The following TENM2 variants were observed in gnomAD, a reference collection of about 807,000 sequenced individuals.
TENM2 encodes teneurin-2.
Under a neutral mutation model 245.2 loss-of-function variants are expected in TENM2, and 52 were observed. The observed-to-expected ratio is 0.21, with a 90% confidence interval of 0.17 to 0.27. TENM2 has a LOEUF of 0.27. Ranked by LOEUF, TENM2 falls within the 10% of genes least tolerant of loss-of-function variation. TENM2 has a pLI of 1.00. For missense variants in TENM2, 3,046 were observed against 3,666.8 expected (o/e 0.83, Z 4.37); for synonymous variants, 1,363 against 1,438.9 (o/e 0.95, Z 1.19).
intron 1 of TENM2, among the ~76,000 whole-genome samples, chr5:167,359,551 A>T (rs1759572158): frequency 6.6e-6 from 1 of 151,776 alleles, no homozygotes; most frequent in African/African-American, 2.4e-5. Context: ...ACCTTTTAAG[A>T]TATTACATAC....
At chr5:167,225,923 T>G in the TENM2 span, among the ~76,000 whole-genome samples, 1 of 151,998 alleles carries the variant, frequency 6.6e-6, no homozygotes, top group African/African-American at 2.4e-5. Flanking sequence ...ATTTATTTGT[T>G]TCCTCTAGGT....
At chr5:167,756,235 T>A (rs1343702945) in intron 2 of TENM2, among the ~76,000 whole-genome samples, 5 of 152,166 alleles carry the variant, frequency 3.3e-5, no homozygotes, top group Non-Finnish European at 7.3e-5. Flanking sequence ...TATATATATA[T>A]GTAATCCCAC....
chr5:167,931,144 C>T (rs1011444129), intron 3 of TENM2, among the ~76,000 whole-genome samples: 1 of 152,202 alleles, frequency 6.6e-6, no homozygotes, highest in Non-Finnish European at 1.5e-5. Flanking sequence ...AGATTGTCAA[C>T]AGCAAGAGGA....
chr5:167,300,922 C>G (rs1370308656), intron 1 of TENM2, among the ~76,000 whole-genome samples: 1 of 152,062 alleles, frequency 6.6e-6, no homozygotes, highest in Non-Finnish European at 1.5e-5. Flanking sequence ...AGAGTATTAT[C>G]TAAGTTGGCC....
At chr5:167,636,648 T>C (rs1321093672) in intron 2 of TENM2, among the ~76,000 whole-genome samples, 3 of 152,224 alleles carry the variant, frequency 2.0e-5, no homozygotes, top group African/African-American at 7.2e-5. Flanking sequence ...TGAATGCTTA[T>C]TTTGCACCAC....
intron 2 of TENM2, among the ~76,000 whole-genome samples, chr5:167,427,894 C>CG (rs1763967345): frequency 4.1e-5 from 3 of 72,584 alleles, no homozygotes; most frequent in Admixed American, 3.7e-4. Flanking sequence ...GAAGGAAGGA[C>CG]GGAAAGGAAG....
At chr5:168,099,471 A>C (rs1014309925) in intron 9 of TENM2, among the ~76,000 whole-genome samples, 7 of 152,326 alleles carry the variant, frequency 4.6e-5, no homozygotes, top group Non-Finnish European at 7.3e-5. Flanking sequence ...AAGATAACAC[A>C]CACAAAGCTC....
chr5:167,240,941 C>G, the TENM2 span, among the ~76,000 whole-genome samples: 1 of 152,190 alleles, frequency 6.6e-6, no homozygotes, highest in African/African-American at 2.4e-5. Context: ...GCCACAGTGT[C>G]TATAAAAGCA....
the TENM2 span, among the ~76,000 whole-genome samples, chr5:167,203,935 G>T: frequency 6.6e-6 from 1 of 152,058 alleles, no homozygotes. Flanking sequence ...GGGAAGGATA[G>T]AAACAAGAGG....
chr5:167,445,332 T>TAG (rs71591182), intron 2 of TENM2, among the ~76,000 whole-genome samples: 28 of 77,048 alleles, frequency 3.6e-4, no homozygotes, highest in South Asian at 2.7e-3. Context: ...TATATATATA[T>TAG]ATATAGAGAG....
At position 168,009,489 on chromosome 5, in the gene TENM2, G is replaced by A. The variant is rs533496336; in HGVS notation, c.1186+16307G>A. Among the ~76,000 whole-genome samples, 151 of 152,286 alleles carry A rather than the reference G, an allele frequency of 9.9e-4. 1 individual carries two copies. The highest frequency in any genetic ancestry group is 1.9e-3 in the Non-Finnish European group (131 of 68,022). On this transcript the variant is annotated intron_variant, in intron 5 of 28. Coordinates refer to ENST00000518659, the Ensembl canonical transcript of TENM2. ...CAGAGAGGGCTAGACATCAGGGAAT[G>A]TGCCTTTGCCCTCCTCCCCCCGCCC...
At chr5:168,138,279 G>C (rs577285128) in intron 12 of TENM2, among the ~76,000 whole-genome samples, 2 of 152,156 alleles carry the variant, frequency 1.3e-5, no homozygotes, top group African/African-American at 4.8e-5. Context: ...TGTAAATTGG[G>C]AATAATAAAT....
intron 4 of TENM2, chr5:167,965,479 G>A (rs1781321545): frequency 6.6e-6 from 1 of 152,084 alleles, no homozygotes; most frequent in Admixed American, 6.5e-5. Flanking sequence ...TAATCTGGGA[G>A]GTTGAGATGG....
chr5:167,930,788 T>C (rs1778220978), intron 3 of TENM2, among the ~76,000 whole-genome samples: 1 of 152,134 alleles, frequency 6.6e-6, no homozygotes, highest in African/African-American at 2.4e-5. Flanking sequence ...GCATGATTTC[T>C]TTTCAAGGTG....
rs369708490 is a variant in TENM2 at position 168,247,485 on chromosome 5, G to A, written c.6546G>A (p.Met2182Ile). Residue 2182 changes from methionine (M) to isoleucine (I), a missense_variant, in exon 27 of 29, where the codon ATG becomes ATA. Coordinates refer to ENST00000518659, the Ensembl canonical transcript of TENM2. The surrounding 1 kb of genome is among the most constrained non-coding windows in gnomAD (Gnocchi z 7.8). ...GGATGACGGTGCAATATGACAGCATGGGCAGGGTGATCAAGAGGGAGCTAA... is the reference window on the plus strand; with the variant it reads ...GGATGACGGTGCAATATGACAGCATAGGCAGGGTGATCAAGAGGGAGCTAA... 1.9e-5 allele frequency: 31 copies of A among 1,612,536 alleles called. No individual in the cohort carries two copies. The highest frequency in any genetic ancestry group is 1.6e-4 in the Middle Eastern group (1 of 6,080).
At chr5:167,752,327 T>G (rs1762018945) in intron 2 of TENM2, among the ~76,000 whole-genome samples, 1 of 149,916 alleles carries the variant, frequency 6.7e-6, no homozygotes, top group Admixed American at 6.7e-5. Flanking sequence ...TTGGCCATGC[T>G]GGTCTCAAAC....
intron 2 of TENM2, among the ~76,000 whole-genome samples, chr5:167,497,282 G>A (rs1048993744): frequency 2.6e-4 from 40 of 151,942 alleles, no homozygotes; most frequent in African/African-American, 8.2e-4. Context: ...CCAATATAGA[G>A]CAACTTTTCA....
chr5:167,486,823 G>A (rs911571701), intron 2 of TENM2, among the ~76,000 whole-genome samples: 7 of 152,106 alleles, frequency 4.6e-5, no homozygotes, highest in East Asian at 3.9e-4. Context: ...CTGGAAAGAT[G>A]AGCTTTAATC....
At chr5:168,158,844 T>TACAC (rs1476608778) in intron 12 of TENM2, among the ~76,000 whole-genome samples, 2 of 90,152 alleles carry the variant, frequency 2.2e-5, no homozygotes, top group African/African-American at 8.0e-5. Context: ...TATATATATA[T>TACAC]ATATATACAC....
Sources: gnomAD v4.1 joint callset for allele counts (sites outside exome capture counted in the v4.1 genomes callset) on GRCh38, gnomAD v4.1.1 for gene constraint, Gnocchi (gnomAD v3.1) non-coding constraint, MANE v1.5 for transcripts, NCBI Gene and HGNC (gene_info 2026-07-23, HGNC 2026-07-21) for gene names.